MTUS1: variants seen among roughly 807,000 people sequenced by gnomAD.
The protein encoded by MTUS1 is microtubule-associated tumor suppressor 1.
MTUS1 carries 109 observed loss-of-function variants against 120.8 expected under a neutral mutation model. The ratio of observed to expected loss-of-function variants is 0.90; its 90% CI spans 0.77 to 1.06. The LOEUF is 1.06. MTUS1 is among the 50% of genes least tolerant of loss of function. The probability of loss-of-function intolerance (pLI) is 0.00; values close to 1 mark genes in which losing one functional copy is unlikely to be tolerated. For missense variants in MTUS1, 2,210 were observed against 1,486.3 expected (o/e 1.49, Z -8.01); for synonymous variants, 737 against 550.5 (o/e 1.34, Z -4.74).
chr8:17,671,292 T>TA (rs1811973183), intron 8 of MTUS1, among the ~76,000 whole-genome samples: 1 of 151,746 alleles, frequency 6.6e-6, no homozygotes, highest in Non-Finnish European at 1.5e-5. Flanking sequence ...AAAAAAACTT[T>TA]AAAACTTAAA....
intron 8 of MTUS1, among the ~76,000 whole-genome samples, chr8:17,666,341 C>G (rs1310827248): frequency 6.6e-6 from 1 of 151,538 alleles, no homozygotes; most frequent in Admixed American, 6.6e-5. Flanking sequence ...CTTCTCCTCA[C>G]TGACGGATCA....
chr8:17,779,552 G>A (rs1000610398), intron 1 of MTUS1, among the ~76,000 whole-genome samples: 2 of 152,162 alleles, frequency 1.3e-5, no homozygotes, highest in Non-Finnish European at 2.9e-5. Flanking sequence ...GCTTATCAAC[G>A]TTTCTAAATG....
chr8:17,785,098 T>C (rs2051196344), intron 1 of MTUS1, among the ~76,000 whole-genome samples: 1 of 150,784 alleles, frequency 6.6e-6, no homozygotes, highest in East Asian at 2.0e-4. Flanking sequence ...AACAAGAACT[T>C]TTATTCATGC....
intron 1 of MTUS1, among the ~76,000 whole-genome samples, chr8:17,792,823 C>G (rs1257834709): frequency 6.6e-6 from 1 of 152,222 alleles, no homozygotes; most frequent in African/African-American, 2.4e-5. Flanking sequence ...GAGATCACAC[C>G]ACTGTCCTCC....
intron 8 of MTUS1, among the ~76,000 whole-genome samples, chr8:17,666,028 C>T (rs1010240030): frequency 4.0e-5 from 6 of 151,368 alleles, no homozygotes; most frequent in African/African-American, 1.5e-4. Flanking sequence ...TGAAGAGAAG[C>T]CTGCAAAGGC....
At chr8:17,687,371 G>A (rs1370512553) in intron 6 of MTUS1, among the ~76,000 whole-genome samples, 2 of 151,958 alleles carry the variant, frequency 1.3e-5, no homozygotes, top group African/African-American at 4.8e-5. Flanking sequence ...AAACCCCAAG[G>A]CTCATCAATA....
In MTUS1 at chr8:17,695,251, T is replaced by G. The variant is rs1375560537; in HGVS notation, c.2624-10709A>C. ...AAAAGCCTCCAACACACAAAACGCT[T>G]CCTCCATCCCTGCTATTCCTTGGAT... is the stretch of plus-strand genomic sequence containing the variant. On this transcript the variant is annotated intron_variant, in intron 6 of 14. Transcript: ENST00000693296. Among the ~76,000 whole-genome samples the G allele has an allele frequency of 3.3e-5, 5 of 152,314 alleles. No homozygotes were observed. In the East Asian group the frequency reaches 9.6e-4, roughly 29 times the overall value.
At chr8:17,687,310 C>T (rs1816028414) in intron 6 of MTUS1, among the ~76,000 whole-genome samples, 1 of 152,130 alleles carries the variant, frequency 6.6e-6, no homozygotes, top group Admixed American at 6.5e-5. Flanking sequence ...TCTCAGCACT[C>T]CTGGCTCAGC....
Position 17,709,357 on chromosome 8 carries a change from C to G in MTUS1, c.2623+3857G>C, listed in dbSNP as rs1203275883. Among the ~76,000 whole-genome samples the G allele has an allele frequency of 2.2e-4, 33 of 152,112 alleles. 2 individuals carry two copies. Among genetic ancestry groups the G allele is most frequent in the Admixed American group, 2.2e-3 (33 of 15,260 alleles). ...ACATGACAGCCTTCAATCCGGACCT[C>G]TCTTCTAGGACAAGACAACCCTCCT... On this transcript the variant is annotated intron_variant, in intron 6 of 14. Coordinates refer to ENST00000693296, the MANE Select transcript of MTUS1 (RefSeq NM_001363059.2).
At chr8:17,763,415 T>C (rs1341414365) in intron 1 of MTUS1, among the ~76,000 whole-genome samples, 1 of 152,340 alleles carries the variant, frequency 6.6e-6, no homozygotes, top group Non-Finnish European at 1.5e-5. Flanking sequence ...GCAGAGAATG[T>C]TGTTTCCATA....
At chr8:17,666,090 CTTTTTTTTT>C (rs57062684) in intron 8 of MTUS1, among the ~76,000 whole-genome samples, 1,114 of 111,100 alleles carry the variant, frequency 0.01, 23 homozygotes, top group African/African-American at 0.037. Context: ...AGAACAGATG[CTTTTTTTTT>C]TTTTTTTTTT....
chr8:17,778,367 C>A (rs1282005371), intron 1 of MTUS1, among the ~76,000 whole-genome samples: 6 of 152,120 alleles, frequency 3.9e-5, no homozygotes, highest in African/African-American at 1.4e-4. Context: ...TGGGCAAAGA[C>A]TGAAAGGGGC....
chr8:17,781,202 G>A (rs2050851183), intron 1 of MTUS1, among the ~76,000 whole-genome samples: 2 of 152,140 alleles, frequency 1.3e-5, no homozygotes, highest in Admixed American at 6.5e-5. Context: ...GAAATACTAC[G>A]TTTCAAATAT....
chr8:17,758,230 T>C (rs528924728), intron 1 of MTUS1: 72 of 152,354 alleles, frequency 4.7e-4, no homozygotes, highest in African/African-American at 1.7e-3. Flanking sequence ...ATAGGAACTA[T>C]GTTAAAACTG....
intron 5 of MTUS1, among the ~76,000 whole-genome samples, chr8:17,713,665 T>G (rs1179735455): frequency 1.3e-5 from 2 of 152,246 alleles, no homozygotes; most frequent in African/African-American, 4.8e-5. Context: ...ACTACCCGTT[T>G]CTATTCAGCT....
chr8:17,771,208 T>C (rs1187460859), intron 1 of MTUS1, among the ~76,000 whole-genome samples: 2 of 152,140 alleles, frequency 1.3e-5, no homozygotes, highest in Middle Eastern at 3.2e-3. Context: ...AAATAATCTG[T>C]GTAAGGAAAA....
intron 1 of MTUS1, among the ~76,000 whole-genome samples, chr8:17,763,731 T>G (rs1239855067): frequency 6.6e-6 from 1 of 152,204 alleles, no homozygotes; most frequent in African/African-American, 2.4e-5. Context: ...TGTGGCTGGC[T>G]GGTTATCTAA....
chr8:17,652,431 C>A (rs1478316899), intron 12 of MTUS1, among the ~76,000 whole-genome samples: 1 of 151,944 alleles, frequency 6.6e-6, no homozygotes. Context: ...CTATTCATTC[C>A]TCAGAATAAG....
chr8:17,761,760 C>T (rs528608028), intron 1 of MTUS1, among the ~76,000 whole-genome samples: 8 of 152,234 alleles, frequency 5.3e-5, no homozygotes, highest in Admixed American at 3.3e-4. Context: ...ATATATGGCA[C>T]GCCAGTCCTT....
Sources: gnomAD v4.1 joint callset for allele counts (sites outside exome capture counted in the v4.1 genomes callset) on GRCh38, gnomAD v4.1.1 for gene constraint, MANE v1.5 for transcripts, NCBI Gene and HGNC (gene_info 2026-07-23, HGNC 2026-07-21) for gene names.